CORO2B: variants seen among roughly 807,000 people sequenced by gnomAD.
CORO2B encodes the protein coronin-2B.
A neutral mutation model predicts 58.8 loss-of-function variants in CORO2B; 26 were observed. The observed-to-expected ratio is 0.44, with a 90% CI of 0.32 to 0.61. CORO2B has a LOEUF of 0.61. Among genes scored for constraint, CORO2B ranks in the 20% least tolerant of loss-of-function variants. The pLI is 0.04. For missense variants in CORO2B, 460 were observed against 645.1 expected, an observed-to-expected ratio of 0.71 and a Z score of 3.11; for synonymous variants, 242 against 253.8, an observed-to-expected ratio of 0.95 and a Z score of 0.44.
At chr15:68,619,562 C>G (rs1454823643) in intron 1 of CORO2B, among the ~76,000 whole-genome samples, 1 of 152,108 alleles carries the variant, frequency 6.6e-6, no homozygotes, top group Admixed American at 6.6e-5. Context: ...CTCTCTCTCC[C>G]TCTGCTTCTC....
the CORO2B span, among the ~76,000 whole-genome samples, chr15:68,546,379 A>C: frequency 2.0e-5 from 3 of 152,176 alleles, no homozygotes; most frequent in Admixed American, 6.5e-5. Context: ...GAGTGTCTGT[A>C]AATTGAATCC....
At chr15:68,703,797 A>T (rs1299703425) in intron 3 of CORO2B, among the ~76,000 whole-genome samples, 1 of 152,102 alleles carries the variant, frequency 6.6e-6, no homozygotes, top group Non-Finnish European at 1.5e-5. Flanking sequence ...CTCCATAATC[A>T]TGTACGCGTT....
intron 3 of CORO2B, among the ~76,000 whole-genome samples, chr15:68,706,496 G>A (rs1210230808): frequency 6.6e-6 from 1 of 152,194 alleles, no homozygotes; most frequent in African/African-American, 2.4e-5. Flanking sequence ...GAGTTAATGA[G>A]GCTCAACTTT....
chr15:68,610,205 C>T (rs1393716470), intron 1 of CORO2B, among the ~76,000 whole-genome samples: 1 of 152,180 alleles, frequency 6.6e-6, no homozygotes, highest in East Asian at 1.9e-4. Flanking sequence ...GCAGCCCTCA[C>T]TAAATGTCAA....
chr15:68,614,033 T>C (rs1157638681), intron 1 of CORO2B, among the ~76,000 whole-genome samples: 1 of 152,188 alleles, frequency 6.6e-6, no homozygotes, highest in East Asian at 1.9e-4. Context: ...GCCTTAAAGG[T>C]GTCATCAGTG....
chr15:68,621,260 C>G (rs1005918381), intron 1 of CORO2B, among the ~76,000 whole-genome samples: 1 of 152,198 alleles, frequency 6.6e-6, no homozygotes, highest in South Asian at 2.1e-4. Flanking sequence ...CACACTGCCT[C>G]CAGCCCCATG....
intron 2 of CORO2B, among the ~76,000 whole-genome samples, chr15:68,674,548 A>G (rs910323729): frequency 6.6e-5 from 10 of 152,048 alleles, no homozygotes; most frequent in African/African-American, 9.7e-5. Context: ...CACAGCCATC[A>G]CCCTCTTACT....
At chr15:68,612,951 G>C (rs1161566811) in intron 1 of CORO2B, among the ~76,000 whole-genome samples, 1 of 152,150 alleles carries the variant, frequency 6.6e-6, no homozygotes, top group African/African-American at 2.4e-5. Flanking sequence ...CCCAGGTCCA[G>C]GACATCAGAG....
chr15:68,685,971 C>T (rs1902957172), intron 2 of CORO2B, among the ~76,000 whole-genome samples: 1 of 149,978 alleles, frequency 6.7e-6, no homozygotes, highest in Non-Finnish European at 1.5e-5. Context: ...ACTGAGCTGC[C>T]GCCGACCCCT....
chr15:68,595,683 A>G (rs1401292113), intron 1 of CORO2B, among the ~76,000 whole-genome samples: 2 of 152,206 alleles, frequency 1.3e-5, no homozygotes, highest in Non-Finnish European at 2.9e-5. Flanking sequence ...CTTAATACAA[A>G]ATACCATCAA....
chr15:68,683,006 A>C (rs1199449011), intron 2 of CORO2B, among the ~76,000 whole-genome samples: 1 of 152,136 alleles, frequency 6.6e-6, no homozygotes, highest in Non-Finnish European at 1.5e-5. Context: ...GGTTTTTATA[A>C]TTTTGGCAGC....
upstream of CORO2B, among the ~76,000 whole-genome samples, chr15:68,577,452 G>A (rs941913447): frequency 2.2e-4 from 34 of 152,082 alleles, no homozygotes; most frequent in Non-Finnish European, 3.5e-4. Flanking sequence ...GGCCGGGGGC[G>A]GTTGCTCATG....
chr15:68,553,638 G>A, the CORO2B span, among the ~76,000 whole-genome samples: 5 of 152,242 alleles, frequency 3.3e-5, no homozygotes, highest in Non-Finnish European at 7.3e-5. Flanking sequence ...TGTTACAAGT[G>A]GAAGGCTTCT....
the CORO2B span, among the ~76,000 whole-genome samples, chr15:68,535,255 T>A: frequency 3.9e-5 from 6 of 152,256 alleles, no homozygotes; most frequent in Non-Finnish European, 5.9e-5. Context: ...CCTTATCCTA[T>A]GTTCTGCCTC....
upstream of CORO2B, among the ~76,000 whole-genome samples, chr15:68,577,761 A>G (rs1032047972): frequency 6.7e-6 from 1 of 150,052 alleles, no homozygotes; most frequent in African/African-American, 2.5e-5. Flanking sequence ...ACAATGACCC[A>G]CAAAGCACTT....
chr15:68,520,991 G>A, the CORO2B span, among the ~76,000 whole-genome samples: 2 of 152,072 alleles, frequency 1.3e-5, no homozygotes, highest in Non-Finnish European at 2.9e-5. Flanking sequence ...GGAGGTTGAA[G>A]TGAGCCAAGA....
intron 1 of CORO2B, among the ~76,000 whole-genome samples, chr15:68,603,373 C>T (rs1900031172): frequency 6.6e-6 from 1 of 152,102 alleles, no homozygotes; most frequent in South Asian, 2.1e-4. Flanking sequence ...TAAAAAAACA[C>T]ACTTGCTAAT....
At chr15:68,535,215 T>A in the CORO2B span, among the ~76,000 whole-genome samples, 214 of 152,284 alleles carry the variant, frequency 1.4e-3, 1 homozygote, top group African/African-American at 4.8e-3. Flanking sequence ...GCAGTTTTGA[T>A]CCCAAAGGTA....
intron 1 of CORO2B, chr15:68,632,265 G>C: frequency 1.0e-6 from 1 of 985,524 alleles, no homozygotes; most frequent in African/African-American, 1.7e-5. Flanking sequence ...TGGCAGCCCT[G>C]ACAACTTGGA....
Sources: allele counts gnomAD v4.1 joint callset (sites outside exome capture counted in the v4.1 genomes callset), GRCh38; gene constraint gnomAD v4.1.1; transcripts MANE v1.5; gene names NCBI Gene and HGNC (gene_info 2026-07-23, HGNC 2026-07-21).